Variants in OR13G1 observed in about 807,000 individuals in gnomAD.
OR13G1 encodes the protein olfactory receptor 13G1.
For synonymous variants in OR13G1, 128 were observed against 136.2 expected (o/e 0.94, Z 0.42); for missense variants, 369 against 385.7 (o/e 0.96, Z 0.36).
At chr1:247,679,024 C>T (rs1398635487) in intron 1 of OR13G1, among the ~76,000 whole-genome samples, 5 of 149,596 alleles carry the variant, frequency 3.3e-5, no homozygotes, top group African/African-American at 1.2e-4. Flanking sequence ...TGGAAGAAAT[C>T]TTTTTTTTTT....
At chr1:247,673,966 TA>T (rs1258036984) in intron 1 of OR13G1, among the ~76,000 whole-genome samples, 2 of 152,276 alleles carry the variant, frequency 1.3e-5, no homozygotes, top group African/African-American at 2.4e-5. Flanking sequence ...AAATAATTTC[TA>T]GGACACAAGA....
At chr1:247,676,610 C>T (rs1336564538) in intron 1 of OR13G1, among the ~76,000 whole-genome samples, 1 of 151,896 alleles carries the variant, frequency 6.6e-6, no homozygotes, top group African/African-American at 2.4e-5. Flanking sequence ...AAACAATGAA[C>T]AATAAACTAA....
chr1:247,677,822 G>A (rs1151667), intron 1 of OR13G1, among the ~76,000 whole-genome samples: 6 of 151,754 alleles, frequency 4.0e-5, no homozygotes, highest in Admixed American at 3.9e-4. Flanking sequence ...AGAATTAATA[G>A]GGCCGGGTGC....
chr1:247,677,842 C>T (rs575368886), intron 1 of OR13G1, among the ~76,000 whole-genome samples: 2 of 152,284 alleles, frequency 1.3e-5, no homozygotes, highest in African/African-American at 2.4e-5. Context: ...CGGTGGCTCA[C>T]GCCTGTAATC....
rs766130726 is a variant in OR13G1, at chr1:247,672,872, T to C, written c.170A>G (p.Tyr57Cys). 3.1e-6 allele frequency: 5 copies of C among 1,614,076 alleles called. No individual in the cohort carries two copies. Among genetic ancestry groups the C allele is most frequent in the South Asian group, 1.1e-5 (1 of 91,080 alleles). The change falls in exon 2 of 2, where the codon TAT becomes TGT. Residue 57 changes from tyrosine (Y) to cysteine (C), a missense_variant. By Grantham distance (194) the Tyr-to-Cys change is radical. Coordinates refer to ENST00000642119, the MANE Select transcript of OR13G1 (RefSeq NM_001005487.2). ...IYNNTLHTPM[Y>C]VFLLTLAVVD... is the part of the protein sequence containing the mutation. Reference sequence around the variant, plus strand: ...AACAGCCAGTGTCAGAAGGAAAACATACATGGGCGTATGCAAGGTGTTGTT... The same window carrying C: ...AACAGCCAGTGTCAGAAGGAAAACACACATGGGCGTATGCAAGGTGTTGTT...
chr1:247,678,647 T>C (rs1290672807), intron 1 of OR13G1, among the ~76,000 whole-genome samples: 1 of 152,188 alleles, frequency 6.6e-6, no homozygotes, highest in Non-Finnish European at 1.5e-5. Context: ...AGAAAAGAAG[T>C]GAAAGTAGCT....
chr1:247,671,578 AT>A lies in OR13G1; in HGVS notation c.*539del, dbSNP rs1195582353. Reference sequence around the variant, plus strand: ...TGGAGACTTTAGAGTTTGCCCAATAATTTTATTCAGTAGAGCACGATTTTTC... The same window carrying A: ...TGGAGACTTTAGAGTTTGCCCAATAATTTATTCAGTAGAGCACGATTTTTC... On this transcript the variant is annotated 3_prime_UTR_variant, in exon 2 of 2. Coordinates refer to ENST00000642119, the MANE Select transcript of OR13G1 (RefSeq NM_001005487.2). 1.9e-5 allele frequency: 3 copies of A among 156,090 alleles called. No homozygotes were observed. Among genetic ancestry groups the A allele is most frequent in the African/African-American group, 7.2e-5 (3 of 41,430 alleles). 9.7% of individuals were successfully genotyped at this position (156,090 alleles called of 1,614,324 possible). A position where few individuals can be genotyped will look rare whatever the true frequency, so the allele number is the denominator to read the frequency against.
chr1:247,672,736 T>C lies in OR13G1; in HGVS notation c.306A>G (p.Thr102=), dbSNP rs766126758. Reference sequence around the variant, plus strand: ...GAACCATCTCAGCTCCCAGAGACCATGTGAACAAGAAGAGCTGGGACATGC... The same window carrying C: ...GAACCATCTCAGCTCCCAGAGACCACGTGAACAAGAAGAGCTGGGACATGC... ...AGCMSQLFLF[T]WSLGAEMVLF... Residue 102 remains threonine (T), a synonymous_variant, in exon 2 of 2, where the codon ACA becomes ACG. Coordinates refer to ENST00000642119, the MANE Select transcript of OR13G1 (RefSeq NM_001005487.2). The C allele has an allele frequency of 1.9e-4, 312 of 1,613,892 alleles. 1 individual carries two copies. Among genetic ancestry groups the C allele is most frequent in the Non-Finnish European group, 2.6e-4 (307 of 1,179,958 alleles).
At chr1:247,677,784 A>G (rs1659378343) in intron 1 of OR13G1, among the ~76,000 whole-genome samples, 1 of 152,158 alleles carries the variant, frequency 6.6e-6, no homozygotes, top group Admixed American at 6.5e-5. Flanking sequence ...TCACCATGCT[A>G]TTTTGCTGAA....
rs1369824199 is a variant in OR13G1 at position 247,671,690 on chromosome 1, C to G, written c.*428G>C. 1 of 171,878 alleles carries G rather than the reference C, an allele frequency of 5.8e-6. No homozygotes were observed. The highest frequency in any genetic ancestry group is 1.3e-5 in the Non-Finnish European group (1 of 79,396). The allele number at this position is 171,878 out of a possible 1,614,324, so 10.6% of individuals were successfully genotyped here. On this transcript the variant is annotated 3_prime_UTR_variant, in exon 2 of 2. Coordinates refer to ENST00000642119, the MANE Select transcript of OR13G1 (RefSeq NM_001005487.2). ...AATGCTGTAAGTGAATGAACCCAGCCTATTAAGCAAGGGAAAATTTATCAC... is the reference window on the plus strand; with the variant it reads ...AATGCTGTAAGTGAATGAACCCAGCGTATTAAGCAAGGGAAAATTTATCAC...
chr1:247,676,344 GT>G (rs1288246385), intron 1 of OR13G1, among the ~76,000 whole-genome samples: 3 of 152,036 alleles, frequency 2.0e-5, no homozygotes, highest in Admixed American at 6.6e-5. Flanking sequence ...TAATGAGGGA[GT>G]TTTTTACTAT....
chr1:247,679,738 A>C lies in OR13G1; in HGVS notation c.-337T>G, dbSNP rs1159594306. On this transcript the variant is annotated 5_prime_UTR_variant, in exon 1 of 2. Coordinates refer to ENST00000642119, the MANE Select transcript of OR13G1 (RefSeq NM_001005487.2). ...AGTAGCTCTTGCCAGTTTGCTATCA[A>C]ATGAGCTCTTTCATGCTTGCTTTAG... is the stretch of plus-strand genomic sequence containing the variant. 6.6e-6 allele frequency: 1 copy of C among 152,182 alleles called. No homozygotes were observed. Among genetic ancestry groups the C allele is most frequent in the Admixed American group, 6.6e-5 (1 of 15,264 alleles). 9.4% of individuals were successfully genotyped at this position (152,182 alleles called of 1,614,324 possible). A position where few individuals can be genotyped will look rare whatever the true frequency, so the allele number is the denominator to read the frequency against.
intron 1 of OR13G1, among the ~76,000 whole-genome samples, chr1:247,674,631 A>G (rs1021947473): frequency 3.3e-5 from 5 of 152,214 alleles, no homozygotes; most frequent in African/African-American, 1.2e-4. Flanking sequence ...TTGACATGTG[A>G]CAGGCTCTAT....
chr1:247,678,313 T>C (rs1000757162), intron 1 of OR13G1, among the ~76,000 whole-genome samples: 1 of 152,216 alleles, frequency 6.6e-6, no homozygotes, highest in African/African-American at 2.4e-5. Flanking sequence ...TTTATTCTTA[T>C]GTATCCATTA....
chr1:247,678,620 T>A (rs751181527), intron 1 of OR13G1, among the ~76,000 whole-genome samples: 1 of 152,220 alleles, frequency 6.6e-6, no homozygotes, highest in Non-Finnish European at 1.5e-5. Flanking sequence ...TCAGCTTAGC[T>A]TCACTGTTGA....
rs28708648 is a variant in OR13G1, at chr1:247,677,220, G to A, written c.-239+2420C>T. Among the ~76,000 whole-genome samples, 575 of 152,300 alleles carry A rather than the reference G, an allele frequency of 3.8e-3. 5 individuals carry two copies. The highest frequency in any genetic ancestry group is 0.013 in the African/African-American group (552 of 41,566). ...ATTGTGCCACTGCACTGCAGCCTGG[G>A]TGACAGAGCCAGACCCTGTCATAAT... On this transcript the variant is annotated intron_variant, in intron 1 of 1. Coordinates refer to ENST00000642119, the MANE Select transcript of OR13G1 (RefSeq NM_001005487.2).
intron 1 of OR13G1, among the ~76,000 whole-genome samples, chr1:247,674,632 C>T (rs1358860905): frequency 6.6e-6 from 1 of 152,162 alleles, no homozygotes; most frequent in East Asian, 1.9e-4. Flanking sequence ...TGACATGTGA[C>T]AGGCTCTATG....
Position 247,671,656 on chromosome 1 carries a change from C to T in OR13G1, c.*462G>A, listed in dbSNP as rs1256458395. 6.1e-6 allele frequency: 1 copy of T among 162,852 alleles called. No individual in the cohort carries two copies. The highest frequency in any genetic ancestry group is 5.7e-5 in the Admixed American group (1 of 17,582). 10.1% of individuals were successfully genotyped at this position (162,852 alleles called of 1,614,324 possible). ...AGGTTCAACCCCAGAGTAGATACCT[C>T]ATTATCACAATGCTGTAAGTGAATG... On this transcript the variant is annotated 3_prime_UTR_variant, in exon 2 of 2. Coordinates refer to ENST00000642119, the MANE Select transcript of OR13G1 (RefSeq NM_001005487.2).
At chr1:247,673,363 TAC>T (rs542948735) in intron 1 of OR13G1, 84 bp from the exon 2 acceptor site, 281 of 248,036 alleles carry the variant, frequency 1.1e-3, no homozygotes, top group African/African-American at 5.5e-3. Context: ...CTTGTCTAAA[TAC>T]ACACACACAT....
Sources: gnomAD v4.1 joint callset for allele counts (sites outside exome capture counted in the v4.1 genomes callset) on GRCh38, gnomAD v4.1.1 for gene constraint, MANE v1.5 for transcripts, NCBI Gene and HGNC (gene_info 2026-07-23, HGNC 2026-07-21) for gene names.